The following LEF1 variants were observed in gnomAD, a reference collection of about 807,000 sequenced individuals.
The protein encoded by LEF1 is lymphoid enhancer-binding factor 1.
Under a neutral mutation model 51.2 loss-of-function variants are expected in LEF1, and 14 were observed. The observed-to-expected ratio is 0.27, with a 90% CI of 0.18 to 0.43. LEF1 has a LOEUF of 0.43. Ranked by LOEUF, LEF1 falls within the 20% of genes least tolerant of loss-of-function variation. LEF1 has a pLI of 1.00. For missense variants in LEF1, 386 were observed against 512.0 expected, an observed-to-expected ratio of 0.75 and a Z score of 2.37; for synonymous variants, 185 against 183.2, an observed-to-expected ratio of 1.01 and a Z score of -0.08.
chr4:108,097,280 T>C (rs147439744), intron 3 of LEF1, among the ~76,000 whole-genome samples: 3 of 152,194 alleles, frequency 2.0e-5, no homozygotes, highest in African/African-American at 4.8e-5. Context: ...ATCTTTGCAT[T>C]TGCAACAACA....
intron 9 of LEF1, among the ~76,000 whole-genome samples, chr4:108,065,489 CAA>C: frequency 6.6e-6 from 1 of 152,262 alleles, no homozygotes; most frequent in Non-Finnish European, 1.5e-5. Flanking sequence ...GACTCCATCT[CAA>C]AAAATAATAA....
At chr4:108,108,732 A>G (rs964090131) in intron 3 of LEF1, among the ~76,000 whole-genome samples, 1 of 152,226 alleles carries the variant, frequency 6.6e-6, no homozygotes, top group Non-Finnish European at 1.5e-5. Context: ...TATAAGATAC[A>G]CATGCACTGC....
intron 4 of LEF1, among the ~76,000 whole-genome samples, chr4:108,084,404 C>T (rs564832477): frequency 1.3e-5 from 2 of 152,296 alleles, no homozygotes; most frequent in South Asian, 4.1e-4. Flanking sequence ...CGTTTAGTGA[C>T]TGTAAATATT....
At chr4:108,097,643 G>C (rs528869765) in intron 3 of LEF1, among the ~76,000 whole-genome samples, 80 of 152,208 alleles carry the variant, frequency 5.3e-4, no homozygotes, top group African/African-American at 1.9e-3. Flanking sequence ...CCAATTACCT[G>C]GACATGATTA....
chr4:108,156,757 C>G (rs751471607), intron 3 of LEF1, among the ~76,000 whole-genome samples: 1 of 151,204 alleles, frequency 6.6e-6, no homozygotes, highest in East Asian at 1.9e-4. Flanking sequence ...ATAAAAATAT[C>G]TTAGTAAAAA....
intron 11 of LEF1, among the ~76,000 whole-genome samples, chr4:108,050,837 G>C (rs1302281241): frequency 4.6e-5 from 7 of 152,100 alleles, no homozygotes; most frequent in Admixed American, 4.6e-4. Context: ...ACAGCGAACT[G>C]TGAAGTACTG....
chr4:108,139,415 C>T (rs772062052), intron 3 of LEF1, among the ~76,000 whole-genome samples: 1 of 152,232 alleles, frequency 6.6e-6, no homozygotes, highest in Non-Finnish European at 1.5e-5. Context: ...GCATCTACAT[C>T]TACAATGCCA....
chr4:108,116,465 C>G (rs538300493), intron 3 of LEF1, among the ~76,000 whole-genome samples: 1 of 152,280 alleles, frequency 6.6e-6, no homozygotes, highest in Non-Finnish European at 1.5e-5. Context: ...GAGGCTGCAG[C>G]AAGCTGTGAT....
chr4:108,101,769 T>A (rs545474618), intron 3 of LEF1, among the ~76,000 whole-genome samples: 1 of 152,258 alleles, frequency 6.6e-6, no homozygotes, highest in South Asian at 2.1e-4. Context: ...ACACTATGGC[T>A]AAAAGCAGCT....
intron 3 of LEF1, among the ~76,000 whole-genome samples, chr4:108,098,055 G>A (rs1740508800): frequency 6.6e-6 from 1 of 152,106 alleles, no homozygotes; most frequent in African/African-American, 2.4e-5. Context: ...ATTCCAGAAA[G>A]ATTTCCTCAG....
chr4:108,165,864 G>T (rs1442164097), intron 1 of LEF1, among the ~76,000 whole-genome samples: 3 of 152,096 alleles, frequency 2.0e-5, no homozygotes, highest in African/African-American at 7.2e-5. Flanking sequence ...GCAAATCAGT[G>T]GTATTACTCC....
intron 4 of LEF1, among the ~76,000 whole-genome samples, chr4:108,088,758 TTC>T (rs1739818542): frequency 3.5e-5 from 2 of 56,784 alleles, no homozygotes; most frequent in Non-Finnish European, 9.2e-5. Flanking sequence ...ATCTCCTACT[TTC>T]CCCATTCCTA....
rs181297423 is a variant in LEF1 at position 108,146,898 on chromosome 4, G to A, written c.414+16670C>T. On this transcript the variant is annotated intron_variant, in intron 3 of 11. Transcript: ENST00000265165. ...GTCTGGTACCATAAGAAGTCCAGGA[G>A]CTTTTAAGCACGGGAAGCATACTGA... is the stretch of plus-strand genomic sequence containing the variant. Among the ~76,000 whole-genome samples the A allele has an allele frequency of 4.6e-4, 70 of 152,274 alleles. 3 individuals carry two copies. Among genetic ancestry groups the A allele is most frequent in the Middle Eastern group, 3.4e-3 (1 of 294 alleles).
chr4:108,095,314 G>A (rs1740310024), intron 3 of LEF1, among the ~76,000 whole-genome samples: 1 of 152,164 alleles, frequency 6.6e-6, no homozygotes, highest in Non-Finnish European at 1.5e-5. Flanking sequence ...TTACAGTAGC[G>A]CTTTTATATA....
chr4:108,092,949 A>T (rs1740141762), intron 3 of LEF1, among the ~76,000 whole-genome samples: 1 of 141,018 alleles, frequency 7.1e-6, no homozygotes. Context: ...AAAAAAAAAA[A>T]GACAAGCAAA....
chr4:108,107,263 G>A (rs941087541), intron 3 of LEF1, among the ~76,000 whole-genome samples: 1 of 150,830 alleles, frequency 6.6e-6, no homozygotes, highest in African/African-American at 2.5e-5. Context: ...GACAGAGAAA[G>A]GTGTTTTTTT....
chr4:108,135,674 T>C (rs1192950638), intron 3 of LEF1, among the ~76,000 whole-genome samples: 1 of 152,084 alleles, frequency 6.6e-6, no homozygotes, highest in African/African-American at 2.4e-5. Context: ...CAGTGGGAAC[T>C]GGGGGTAAGG....
At chr4:108,104,227 G>T (rs930478680) in intron 3 of LEF1, among the ~76,000 whole-genome samples, 1 of 151,876 alleles carries the variant, frequency 6.6e-6, no homozygotes, top group Non-Finnish European at 1.5e-5. Context: ...TAACAAAGTA[G>T]ATGAGGGGTT....
At chr4:108,053,722 C>T (rs1737151492) in intron 11 of LEF1, among the ~76,000 whole-genome samples, 1 of 152,224 alleles carries the variant, frequency 6.6e-6, no homozygotes, top group South Asian at 2.1e-4. Flanking sequence ...GTAGGCCAGA[C>T]CTCCTGGTGC....
Sources: allele counts gnomAD v4.1 joint callset (sites outside exome capture counted in the v4.1 genomes callset), GRCh38; gene constraint gnomAD v4.1.1; transcripts MANE v1.5; gene names NCBI Gene and HGNC (gene_info 2026-07-23, HGNC 2026-07-21).